Variants in ASIC2 observed in about 807,000 individuals in gnomAD.
ASIC2 encodes acid-sensing ion channel 2.
ASIC2 carries 25 observed loss-of-function variants against 57.3 expected under a neutral mutation model. The observed-to-expected ratio is 0.44, with a 90% confidence interval of 0.32 to 0.61. The LOEUF is 0.61. Among genes scored for constraint, ASIC2 ranks in the 20% least tolerant of loss-of-function variants. The probability of loss-of-function intolerance (pLI) is 0.06; values close to 1 mark genes in which losing one functional copy is unlikely to be tolerated. For missense variants in ASIC2, 641 were observed against 738.1 expected, an observed-to-expected ratio of 0.87 and a Z score of 1.52; for synonymous variants, 319 against 307.5, an observed-to-expected ratio of 1.04 and a Z score of -0.39.
intron 1 of ASIC2, among the ~76,000 whole-genome samples, chr17:33,671,518 G>C (rs1167195156): frequency 6.6e-6 from 1 of 152,158 alleles, no homozygotes; most frequent in Admixed American, 6.5e-5. Context: ...GAATGGGATG[G>C]GATATGGGAA....
intron 1 of ASIC2, among the ~76,000 whole-genome samples, chr17:33,912,443 C>T (rs1219127207): frequency 2.0e-5 from 3 of 150,768 alleles, no homozygotes; most frequent in South Asian, 2.1e-4. Flanking sequence ...GATGGCGCCA[C>T]TGCACTCCAG....
intron 1 of ASIC2, among the ~76,000 whole-genome samples, chr17:33,288,126 G>C (rs1905267917): frequency 6.6e-6 from 1 of 152,142 alleles, no homozygotes; most frequent in Non-Finnish European, 1.5e-5. Flanking sequence ...TGGAGGGGGA[G>C]ACAGGCACAG....
At chr17:33,022,001 A>T (rs532350370) in intron 6 of ASIC2, among the ~76,000 whole-genome samples, 72 of 152,286 alleles carry the variant, frequency 4.7e-4, no homozygotes, top group Non-Finnish European at 8.7e-4. Flanking sequence ...GTCTCCTCCA[A>T]TGTGCCCACA....
At chr17:33,780,843 T>C (rs7213742) in intron 1 of ASIC2, among the ~76,000 whole-genome samples, 92,456 of 152,054 alleles carry the variant, frequency 0.61, 28,961 homozygotes, top group Non-Finnish European at 0.66. Flanking sequence ...TGCTTTTGTG[T>C]CACTCAGCCT....
At chr17:33,352,379 T>A (rs1292137033) in intron 1 of ASIC2, among the ~76,000 whole-genome samples, 1 of 152,002 alleles carries the variant, frequency 6.6e-6, no homozygotes, top group Non-Finnish European at 1.5e-5. Context: ...AGCCAGCCCA[T>A]TACCCCCCAA....
chr17:33,782,627 G>C (rs1387182943), intron 1 of ASIC2, among the ~76,000 whole-genome samples: 1 of 152,122 alleles, frequency 6.6e-6, no homozygotes, highest in South Asian at 2.1e-4. Context: ...TACTTGGGAG[G>C]CTTAGGTGAG....
intron 1 of ASIC2, among the ~76,000 whole-genome samples, chr17:33,139,030 T>A (rs1597598540): frequency 6.6e-6 from 1 of 152,060 alleles, no homozygotes; most frequent in African/African-American, 2.4e-5. Flanking sequence ...TGGGCCTCAT[T>A]TTCCTCAATT....
intron 1 of ASIC2, among the ~76,000 whole-genome samples, chr17:33,808,970 T>C (rs1912343219): frequency 6.6e-6 from 1 of 152,256 alleles, no homozygotes; most frequent in African/African-American, 2.4e-5. Context: ...TATTCATTCA[T>C]GACTTTCTGA....
chr17:33,270,711 A>G (rs1904450300), intron 1 of ASIC2, among the ~76,000 whole-genome samples: 1 of 152,050 alleles, frequency 6.6e-6, no homozygotes, highest in Admixed American at 6.5e-5. Context: ...TTCATTTCTA[A>G]CCCTGACAAA....
chr17:33,955,188 A>C (rs1904696116), intron 1 of ASIC2: 1 of 152,216 alleles, frequency 6.6e-6, no homozygotes, highest in Non-Finnish European at 1.5e-5. Context: ...TCCAAATCCA[A>C]GGTCTTTCTA....
At chr17:33,735,398 G>A (rs953261870) in intron 1 of ASIC2, among the ~76,000 whole-genome samples, 23 of 152,138 alleles carry the variant, frequency 1.5e-4, no homozygotes, top group African/African-American at 5.6e-4. Flanking sequence ...AAGGTTCACT[G>A]TATTATTCCT....
At chr17:33,769,977 GT>G (rs1364162859) in intron 1 of ASIC2, among the ~76,000 whole-genome samples, 2 of 152,218 alleles carry the variant, frequency 1.3e-5, no homozygotes, top group African/African-American at 4.8e-5. Context: ...TGGGGATTGG[GT>G]TTCAACTTGG....
chr17:34,025,392 C>A (rs1336302278), intron 1 of ASIC2, among the ~76,000 whole-genome samples: 1 of 152,188 alleles, frequency 6.6e-6, no homozygotes, highest in East Asian at 1.9e-4. Context: ...GTTGCACCCC[C>A]TCGTGGAGTG....
At chr17:33,947,650 C>T (rs574421763) in intron 1 of ASIC2, among the ~76,000 whole-genome samples, 11 of 152,304 alleles carry the variant, frequency 7.2e-5, no homozygotes, top group Admixed American at 6.5e-4. Flanking sequence ...TCCAATAACT[C>T]AGGATCCATT....
At chr17:33,404,175 G>T (rs1188293852) in intron 1 of ASIC2, among the ~76,000 whole-genome samples, 1 of 152,202 alleles carries the variant, frequency 6.6e-6, no homozygotes, top group East Asian at 1.9e-4. Flanking sequence ...GCTAGAACTG[G>T]AGGTGGGGAC....
At chr17:33,942,538 T>C (rs1456143182) in intron 1 of ASIC2, among the ~76,000 whole-genome samples, 2 of 152,134 alleles carry the variant, frequency 1.3e-5, no homozygotes, top group Non-Finnish European at 2.9e-5. Flanking sequence ...CTTTTTCTGG[T>C]TGGGTGACAT....
intron 1 of ASIC2, among the ~76,000 whole-genome samples, chr17:34,153,746 A>G (rs1294963097): frequency 6.6e-6 from 1 of 152,220 alleles, no homozygotes; most frequent in African/African-American, 2.4e-5. Flanking sequence ...AAGGTCACAC[A>G]TAGAGGGCCA....
intron 1 of ASIC2, among the ~76,000 whole-genome samples, chr17:33,996,721 G>T (rs942044616): frequency 6.6e-6 from 1 of 152,160 alleles, no homozygotes; most frequent in Admixed American, 6.5e-5. Context: ...TTAGATGTTT[G>T]TTTTAATTTC....
intron 1 of ASIC2, among the ~76,000 whole-genome samples, chr17:34,148,839 T>C (rs1904392427): frequency 6.6e-6 from 1 of 152,148 alleles, no homozygotes; most frequent in South Asian, 2.1e-4. Context: ...GTTTTGAGCC[T>C]AAAAGGAAGG....
Sources: allele counts gnomAD v4.1 joint callset (sites outside exome capture counted in the v4.1 genomes callset), GRCh38; gene constraint gnomAD v4.1.1; transcripts MANE v1.5; gene names NCBI Gene and HGNC (gene_info 2026-07-23, HGNC 2026-07-21).